PHF21A: variants seen among roughly 807,000 people sequenced by gnomAD.
PHF21A encodes the protein BHC80a.
Under a neutral mutation model 82.5 loss-of-function variants are expected in PHF21A, and 11 were observed. The observed-to-expected ratio is 0.13, with a 90% CI of 0.08 to 0.22. The LOEUF is 0.22. Ranked by LOEUF, PHF21A falls within the 10% of genes least tolerant of loss-of-function variation. The pLI is 1.00. For synonymous variants in PHF21A, 297 were observed against 302.8 expected (o/e 0.98, Z 0.20); for missense variants, 579 against 837.8 (o/e 0.69, Z 3.81).
intron 6 of PHF21A, among the ~76,000 whole-genome samples, chr11:46,024,927 A>T (rs2095709579): frequency 6.6e-6 from 1 of 152,222 alleles, no homozygotes; most frequent in African/African-American, 2.4e-5. Flanking sequence ...CTATAAAGCC[A>T]TCATCCCTTA....
Position 45,965,615 on chromosome 11 carries a change from G to A in PHF21A, c.703-7C>T. ...CCACAGGCTTGGGTCGAACCTATAG[G>A]GGAAAGAGAGAATAATTATTGTATT... On this transcript the variant is annotated splice_polypyrimidine_tract_variant and splice_region_variant and intron_variant, in intron 9 of 18. Transcript: ENST00000676320. 2 of 1,519,466 alleles carry A rather than the reference G, an allele frequency of 1.3e-6. No homozygotes were observed. The highest frequency in any genetic ancestry group is 1.3e-5 in the South Asian group (1 of 75,536). 94.1% of individuals were successfully genotyped at this position (1,519,466 alleles called of 1,614,324 possible).
At chr11:46,101,703 TCA>T (rs2097097552) in intron 1 of PHF21A, among the ~76,000 whole-genome samples, 1 of 152,020 alleles carries the variant, frequency 6.6e-6, no homozygotes, top group Admixed American at 6.5e-5. Context: ...CATGGCACAA[TCA>T]CAGCCTCGCA....
chr11:45,977,136 A>ATTT (rs1232628402), intron 7 of PHF21A, among the ~76,000 whole-genome samples: 2 of 128,066 alleles, frequency 1.6e-5, no homozygotes, highest in African/African-American at 2.9e-5. Context: ...GCTTCCTTTG[A>ATTT]TTTTTTTTTT....
chr11:45,993,669 G>A (rs1487621156), intron 6 of PHF21A, among the ~76,000 whole-genome samples: 1 of 151,684 alleles, frequency 6.6e-6, no homozygotes, highest in Admixed American at 6.6e-5. Context: ...AGGGAGAGAT[G>A]TCCCTTTCTG....
intron 6 of PHF21A, among the ~76,000 whole-genome samples, chr11:46,014,199 G>C (rs6485655): frequency 0.13 from 19,479 of 151,954 alleles, 2,509 homozygotes; most frequent in East Asian, 0.6. Context: ...AGTGTTTACT[G>C]TTCCCATCTT....
chr11:46,103,591 A>C (rs1268431516), intron 1 of PHF21A, among the ~76,000 whole-genome samples: 1 of 152,196 alleles, frequency 6.6e-6, no homozygotes, highest in Non-Finnish European at 1.5e-5. Context: ...ACACCTATTC[A>C]CCTACTAGAC....
chr11:46,033,687 C>CTAT (rs1479376855), intron 6 of PHF21A, among the ~76,000 whole-genome samples: 2 of 152,176 alleles, frequency 1.3e-5, no homozygotes, highest in Non-Finnish European at 2.9e-5. Flanking sequence ...CCATATATGG[C>CTAT]TATTGAGCAC....
intron 10 of PHF21A, among the ~76,000 whole-genome samples, chr11:45,959,538 T>G (rs1240999633): frequency 1.3e-5 from 2 of 152,200 alleles, no homozygotes; most frequent in Admixed American, 1.3e-4. Flanking sequence ...ACTGGAAGTT[T>G]AGGCCAGAGC....
chr11:46,057,416 A>G (rs1431048151), intron 6 of PHF21A, among the ~76,000 whole-genome samples: 1 of 152,174 alleles, frequency 6.6e-6, no homozygotes, highest in African/African-American at 2.4e-5. Flanking sequence ...TTCAATACAT[A>G]TAACAGATGC....
intron 6 of PHF21A, among the ~76,000 whole-genome samples, chr11:46,015,475 A>T (rs1352131269): frequency 6.6e-6 from 1 of 152,062 alleles, no homozygotes; most frequent in East Asian, 1.9e-4. Flanking sequence ...ATAGTTTGAG[A>T]TTTTAAAAAT....
chr11:45,944,011 T>A (rs759183848), intron 15 of PHF21A, among the ~76,000 whole-genome samples: 3 of 152,186 alleles, frequency 2.0e-5, no homozygotes, highest in Non-Finnish European at 2.9e-5. Context: ...GAGAAACTCT[T>A]CCAAAATAAA....
In PHF21A at chr11:45,930,131, G is replaced by A. The variant is rs989923109; in HGVS notation, c.*3837C>T. 6.6e-6 allele frequency: 1 copy of A among 152,350 alleles called. No homozygotes were observed. The highest frequency in any genetic ancestry group is 1.5e-5 in the Non-Finnish European group (1 of 68,114). 9.4% of individuals were successfully genotyped at this position (152,350 alleles called of 1,614,324 possible). ...ACCACGCCCTATAAGAGAATGAAGA[G>A]AGGAAACCACTGAAGAGTGTGTGTG... is the stretch of plus-strand genomic sequence containing the variant. On this transcript the variant is annotated 3_prime_UTR_variant, in exon 19 of 19. Coordinates refer to ENST00000676320, the MANE Select transcript of PHF21A (RefSeq NM_001352027.3).
chr11:46,013,756 T>C (rs1170173650), intron 6 of PHF21A, among the ~76,000 whole-genome samples: 1 of 152,182 alleles, frequency 6.6e-6, no homozygotes, highest in Non-Finnish European at 1.5e-5. Flanking sequence ...GTTACTGTAC[T>C]GAATACCATA....
chr11:46,033,915 C>T (rs942824074), intron 6 of PHF21A, among the ~76,000 whole-genome samples: 9 of 152,218 alleles, frequency 5.9e-5, no homozygotes, highest in Non-Finnish European at 4.4e-5. Flanking sequence ...AAAGTATACA[C>T]ATCTTCAAAT....
At chr11:46,016,820 G>C (rs1042726986) in intron 6 of PHF21A, among the ~76,000 whole-genome samples, 1 of 151,586 alleles carries the variant, frequency 6.6e-6, no homozygotes, top group Non-Finnish European at 1.5e-5. Flanking sequence ...CTATCATCTA[G>C]AATGCAGACC....
chr11:45,967,778 G>A (rs528926740), intron 9 of PHF21A, among the ~76,000 whole-genome samples: 4 of 152,290 alleles, frequency 2.6e-5, no homozygotes, highest in Admixed American at 1.3e-4. Flanking sequence ...AACTTAAAAC[G>A]ACCCTGTGGT....
At chr11:46,055,800 G>A (rs1362600803) in intron 6 of PHF21A, among the ~76,000 whole-genome samples, 2 of 151,942 alleles carry the variant, frequency 1.3e-5, no homozygotes, top group African/African-American at 2.4e-5. Context: ...AATATAATAC[G>A]ATCTAAGCCT....
chr11:46,008,508 C>T (rs1182336102), intron 6 of PHF21A, among the ~76,000 whole-genome samples: 6 of 152,138 alleles, frequency 3.9e-5, no homozygotes, highest in African/African-American at 1.4e-4. Context: ...TTGAAAGCTA[C>T]TCCATGGGTC....
intron 6 of PHF21A, among the ~76,000 whole-genome samples, chr11:46,061,089 C>T (rs1337099685): frequency 2.0e-5 from 3 of 152,212 alleles, no homozygotes; most frequent in East Asian, 3.9e-4. Flanking sequence ...TGCTTGTTTT[C>T]GTCAGGTTTG....
Sources: gnomAD v4.1 joint callset for allele counts (sites outside exome capture counted in the v4.1 genomes callset) on GRCh38, gnomAD v4.1.1 for gene constraint, MANE v1.5 for transcripts, NCBI Gene and HGNC (gene_info 2026-07-23, HGNC 2026-07-21) for gene names.